ACTR1A: variants seen among roughly 807,000 people sequenced by gnomAD.
The protein encoded by ACTR1A is actin related protein 1A.
ACTR1A carries 10 observed loss-of-function variants against 50.7 expected under a neutral mutation model. The observed-to-expected ratio is 0.20, with a 90% CI of 0.12 to 0.33. The LOEUF (loss-of-function observed/expected upper bound fraction) is 0.33. Ranked by LOEUF, ACTR1A falls within the 10% of genes least tolerant of loss-of-function variation. ACTR1A has a pLI of 1.00. For missense variants in ACTR1A, 253 were observed against 491.7 expected (o/e 0.51, Z 4.59); for synonymous variants, 177 against 184.2 (o/e 0.96, Z 0.32).
intron 1 of ACTR1A, among the ~76,000 whole-genome samples, chr10:102,502,087 C>T (rs1041178717): frequency 4.6e-5 from 7 of 152,232 alleles, no homozygotes; most frequent in African/African-American, 1.7e-4. Context: ...CGCCTCTAGG[C>T]CCCACCACCC....
rs995767329 is a variant in ACTR1A, at chr10:102,480,766, C to G, written c.*97G>C. On this transcript the variant is annotated 3_prime_UTR_variant, in exon 11 of 11. Transcript: ENST00000369905. ...ACACACACTCATATCCACACACGCA[C>G]TCACACACAGGCAGTTCCTCGCAAA... The G allele has an allele frequency of 1.2e-5, 12 of 1,014,914 alleles. No individual in the cohort carries two copies. The highest frequency in any genetic ancestry group is 1.6e-5 in the Non-Finnish European group (10 of 641,102). 62.9% of individuals were successfully genotyped at this position (1,014,914 alleles called of 1,614,324 possible).
At chr10:102,481,721 T>C in intron 9 of ACTR1A, 116 bp downstream of exon 9, 8 of 1,261,962 alleles carry the variant, frequency 6.3e-6, no homozygotes, top group Non-Finnish European at 9.2e-6. Flanking sequence ...CTGGCGCTGC[T>C]TGTAGAGCCA....
chr10:102,484,053 G>T, intron 6 of ACTR1A, 107 bp downstream of exon 6: 3 of 1,044,828 alleles, frequency 2.9e-6, no homozygotes, highest in Non-Finnish European at 4.3e-6. Context: ...CCTCACCAGG[G>T]ACCCCCAGGC....
intron 2 of ACTR1A, 66 bp downstream of exon 2, chr10:102,490,483 T>C: frequency 2.2e-6 from 3 of 1,381,736 alleles, no homozygotes; most frequent in Non-Finnish European, 2.1e-6. Flanking sequence ...CTCCTGTCCC[T>C]TATAGGGCTG....
chr10:102,502,415 T>G (rs74434800), intron 1 of ACTR1A, among the ~76,000 whole-genome samples, 185 bp downstream of exon 1: 2,616 of 152,314 alleles, frequency 0.017, 71 homozygotes, highest in African/African-American at 0.06. Flanking sequence ...CCATCCCACT[T>G]TTGCTGGCTG....
At chr10:102,497,650 CA>C (rs1170659613) in intron 1 of ACTR1A, among the ~76,000 whole-genome samples, 1 of 131,152 alleles carries the variant, frequency 7.6e-6, no homozygotes, top group East Asian at 2.1e-4. Flanking sequence ...GAAAGGAGCA[CA>C]ATTTTTTTTT....
intron 1 of ACTR1A, among the ~76,000 whole-genome samples, chr10:102,501,077 A>G (rs1333693910): frequency 6.6e-6 from 1 of 152,018 alleles, no homozygotes; most frequent in Non-Finnish European, 1.5e-5. Flanking sequence ...TCTCCAAAAA[A>G]AAAAAAGAAA....
chr10:102,490,415 G>C (rs535086117), intron 2 of ACTR1A, 134 bp downstream of exon 2: 1 of 552,112 alleles, frequency 1.8e-6, no homozygotes. Context: ...CCTCTTATCT[G>C]TGCCTCTCAA....
intron 4 of ACTR1A, among the ~76,000 whole-genome samples, chr10:102,486,691 C>T (rs2062169614): frequency 6.6e-6 from 1 of 151,974 alleles, no homozygotes; most frequent in South Asian, 2.1e-4. Flanking sequence ...GAAACTCCAT[C>T]TCAAAAAAGC....
chr10:102,495,970 C>G (rs1299101440), intron 1 of ACTR1A, among the ~76,000 whole-genome samples: 1 of 145,880 alleles, frequency 6.9e-6, no homozygotes, highest in African/African-American at 2.5e-5. Flanking sequence ...GTTTGAGACG[C>G]AGTCTCGCTC....
chr10:102,479,293 C>G lies in ACTR1A; in HGVS notation c.*1570G>C, dbSNP rs917479452. On this transcript the variant is annotated 3_prime_UTR_variant, in exon 11 of 11. Transcript: ENST00000369905. This position sits in a 1 kb window ranked among gnomAD's most constrained non-coding sequence, Gnocchi z 4.0. ...GCCCCACCAGGCAATGTGGTTTGTG[C>G]GAGGCTGTGCGAGGGACAGGCTTGG... 2 of 441,570 alleles carry G rather than the reference C, an allele frequency of 4.5e-6. No individual in the cohort carries two copies. Among genetic ancestry groups the G allele is most frequent in the African/African-American group, 2.0e-5 (1 of 49,040 alleles). The allele number at this position is 441,570 out of a possible 1,614,324, so 27.4% of individuals were successfully genotyped here. A position where few individuals can be genotyped will look rare whatever the true frequency, so the allele number is the denominator to read the frequency against.
In ACTR1A at chr10:102,482,483, A is replaced by C; in HGVS notation, c.751-308T>G. ...GCAATGGGGGTTCAAGGGAGTGGTAACTCACCCTACACTGCACCCAGGTGT... is the reference window on the plus strand; with the variant it reads ...GCAATGGGGGTTCAAGGGAGTGGTACCTCACCCTACACTGCACCCAGGTGT... On this transcript the variant is annotated intron_variant, in intron 7 of 10. Transcript: ENST00000369905. This position sits in a 1 kb window ranked among gnomAD's most constrained non-coding sequence, Gnocchi z 5.6. 2.4e-6 allele frequency: 1 copy of C among 411,214 alleles called. No homozygotes were observed. The highest frequency in any genetic ancestry group is 5.1e-5 in the East Asian group (1 of 19,768). The allele number at this position is 411,214 out of a possible 1,614,324, so 25.5% of individuals were successfully genotyped here. A position where few individuals can be genotyped will look rare whatever the true frequency, so the allele number is the denominator to read the frequency against.
In ACTR1A at chr10:102,479,472, G is replaced by A; in HGVS notation, c.*1391C>T. ...AATACTGTGTGAAGTCTGGGATTGGGGTGGGTCTTGGTGTCACAGGTGAGG... is the reference window on the plus strand; with the variant it reads ...AATACTGTGTGAAGTCTGGGATTGGAGTGGGTCTTGGTGTCACAGGTGAGG... On this transcript the variant is annotated 3_prime_UTR_variant, in exon 11 of 11. Coordinates refer to ENST00000369905, the MANE Select transcript of ACTR1A (RefSeq NM_005736.4). This position sits in a 1 kb window ranked among gnomAD's most constrained non-coding sequence, Gnocchi z 4.0. 1 of 459,554 alleles carries A rather than the reference G, an allele frequency of 2.2e-6. No individual in the cohort carries two copies. Among genetic ancestry groups the A allele is most frequent in the Non-Finnish European group, 3.7e-6 (1 of 266,962 alleles). The allele number at this position is 459,554 out of a possible 1,614,324, so 28.5% of individuals were successfully genotyped here.
At chr10:102,481,379 T>TGC (rs2062140892) in intron 9 of ACTR1A, among the ~76,000 whole-genome samples, 1 of 130,392 alleles carries the variant, frequency 7.7e-6, no homozygotes, top group African/African-American at 2.9e-5. Flanking sequence ...CTGGGACTAT[T>TGC]GGGGGGGGCA....
rs529172193 is a variant in ACTR1A, at chr10:102,479,905, T to A, written c.*958A>T. On this transcript the variant is annotated 3_prime_UTR_variant, in exon 11 of 11. Coordinates refer to ENST00000369905, the MANE Select transcript of ACTR1A (RefSeq NM_005736.4). The surrounding 1 kb of genome is among the most constrained non-coding windows in gnomAD (Gnocchi z 4.0). ...AAAGGGAGAAAGAGCCTGGTGGGAG[T>A]GTCTTTGAGTGTAGCTTCCAATCTC... The A allele has an allele frequency of 1.9e-5, 6 of 315,158 alleles. No individual in the cohort carries two copies. The East Asian group carries it at 4.8e-4, about 25-fold the overall frequency. 19.5% of individuals were successfully genotyped at this position (315,158 alleles called of 1,614,324 possible). A position where few individuals can be genotyped will look rare whatever the true frequency, so the allele number is the denominator to read the frequency against.
chr10:102,495,290 C>T (rs2135588023), intron 1 of ACTR1A, among the ~76,000 whole-genome samples: 1 of 152,078 alleles, frequency 6.6e-6, no homozygotes, highest in East Asian at 1.9e-4. Context: ...CAAAATAAGG[C>T]CAGGCGCAGT....
intron 5 of ACTR1A, among the ~76,000 whole-genome samples, chr10:102,484,929 A>G (rs2062159557): frequency 6.6e-6 from 1 of 152,186 alleles, no homozygotes; most frequent in Non-Finnish European, 1.5e-5. Context: ...TGGGCTTGCC[A>G]GCCCCATCTC....
At chr10:102,494,458 C>T (rs1459596130) in intron 1 of ACTR1A, among the ~76,000 whole-genome samples, 1 of 152,130 alleles carries the variant, frequency 6.6e-6, no homozygotes, top group Non-Finnish European at 1.5e-5. Flanking sequence ...GGCGAAACCC[C>T]GTCTCTACAA....
In ACTR1A at chr10:102,488,123, G is replaced by C; in HGVS notation, c.315+27C>G. On this transcript the variant is annotated intron_variant, in intron 4 of 10. Transcript: ENST00000369905. This position sits in a 1 kb window ranked among gnomAD's most constrained non-coding sequence, Gnocchi z 4.4. The stretch of plus-strand genomic sequence containing the variant: ...TTGACACAGCTTTGCATACCCTACA[G>C]GAGTGCCCTACACACAGGATCCTCA... The C allele has an allele frequency of 1.2e-6, 2 of 1,603,152 alleles. No individual in the cohort carries two copies. The highest frequency in any genetic ancestry group is 2.2e-5 in the South Asian group (2 of 90,842).
Sources: allele counts gnomAD v4.1 joint callset (sites outside exome capture counted in the v4.1 genomes callset), GRCh38; gene constraint gnomAD v4.1.1; non-coding constraint Gnocchi (gnomAD v3.1); transcripts MANE v1.5; gene names NCBI Gene and HGNC (gene_info 2026-07-23, HGNC 2026-07-21).